DOK4: variants seen among roughly 807,000 people sequenced by gnomAD.
The protein encoded by DOK4 is downstream of tyrosine kinase 4.
Under a neutral mutation model 40.1 loss-of-function variants are expected in DOK4, and 26 were observed. That is an observed-to-expected ratio of 0.65 (90% CI 0.48 to 0.90). The LOEUF is 0.90. Ranked by LOEUF, DOK4 falls within the 40% of genes least tolerant of loss-of-function variation. The probability of loss-of-function intolerance (pLI) is 0.00; values close to 1 mark genes in which losing one functional copy is unlikely to be tolerated. For missense variants in DOK4, 392 were observed against 437.2 expected (o/e 0.90, Z 0.92); for synonymous variants, 179 against 177.0 (o/e 1.01, Z -0.09).
At chr16:57,483,692 G>C (rs910522296) in intron 1 of DOK4, among the ~76,000 whole-genome samples, 3 of 152,112 alleles carry the variant, frequency 2.0e-5, no homozygotes, top group Non-Finnish European at 1.5e-5. Flanking sequence ...GGCTAGGCAG[G>C]CCAGGAATTG....
chr16:57,482,358 C>A (rs1598056901), intron 1 of DOK4, among the ~76,000 whole-genome samples: 1 of 111,794 alleles, frequency 8.9e-6, no homozygotes, highest in Non-Finnish European at 1.8e-5. Flanking sequence ...AGAGATGGGG[C>A]TTTTGTTTTT....
At chr16:57,475,571 G>A in exon 4 of DOK4, 2 of 1,609,862 alleles carry the variant, frequency 1.2e-6, no homozygotes, top group Non-Finnish European at 8.5e-7. Context: ...CTGCCGCTTG[G>A]TCTCCTTGGG....
chr16:57,479,362 C>T lies in DOK4; in HGVS notation c.66+80G>A, dbSNP rs752752203. ...CCGGAGGGCAGCCGCGTGCCCCACGCGCCATGCCTCCAAGCCTGGGACCGA... is the reference window on the plus strand; with the variant it reads ...CCGGAGGGCAGCCGCGTGCCCCACGTGCCATGCCTCCAAGCCTGGGACCGA... On this transcript the variant is annotated intron_variant, in intron 2 of 8. Transcript: ENST00000340099. This position sits in a 1 kb window ranked among gnomAD's most constrained non-coding sequence, Gnocchi z 5.8. 5.5e-4 allele frequency: 828 copies of T among 1,517,712 alleles called. 1 individual carries two copies. Among genetic ancestry groups the T allele is most frequent in the Non-Finnish European group, 7.0e-4 (780 of 1,107,220 alleles). The allele number at this position is 1,517,712 out of a possible 1,614,324, so 94.0% of individuals were successfully genotyped here.
chr16:57,482,728 C>G (rs1475190365), intron 1 of DOK4, among the ~76,000 whole-genome samples: 1 of 152,112 alleles, frequency 6.6e-6, no homozygotes, highest in Non-Finnish European at 1.5e-5. Context: ...GTCAAGTGAT[C>G]CACAAGGCTC....
intron 8 of DOK4, 29 bp downstream of exon 8, chr16:57,473,584 G>T (rs749322670): frequency 6.2e-7 from 1 of 1,614,238 alleles, no homozygotes; most frequent in Non-Finnish European, 8.5e-7. Flanking sequence ...CCTCCTGGCA[G>T]GTGGGTGTGG....
exon 9 of DOK4, chr16:57,472,587 GC>G (rs1479298973): frequency 1.3e-5 from 2 of 152,696 alleles, no homozygotes; most frequent in Non-Finnish European, 2.9e-5. Context: ...CAGTCCTGCT[GC>G]GGCCTTCCCT....
Position 57,475,691 on chromosome 16 carries a change from TCTCTCC to T in DOK4, c.175-77_175-72del, listed in dbSNP as rs1215485348. The T allele has an allele frequency of 2.4e-5, 20 of 830,642 alleles. No individual in the cohort carries two copies. In the African/African-American group the frequency reaches 2.9e-4, roughly 12 times the overall value. 51.5% of individuals were successfully genotyped at this position (830,642 alleles called of 1,614,324 possible). On this transcript the variant is annotated intron_variant, in intron 3 of 8. Transcript: ENST00000340099. Reference sequence around the variant, plus strand: ...CTCTCTCTCTCTCTCTCTCTCTCTCTCTCTCCCTCCCTCCCTCTCTCCCCCCTCCTC... The same window carrying T: ...CTCTCTCTCTCTCTCTCTCTCTCTCTCTCCCTCCCTCTCTCCCCCCTCCTC...
chr16:57,473,303 C>G (rs951070144), exon 9 of DOK4: 68 of 1,526,692 alleles, frequency 4.5e-5, no homozygotes, highest in Admixed American at 8.0e-5. Context: ...CCCCCTGAGG[C>G]TGTCCACGGT....
At chr16:57,477,833 C>T (rs1365187900) in intron 2 of DOK4, among the ~76,000 whole-genome samples, 1 of 152,194 alleles carries the variant, frequency 6.6e-6, no homozygotes, top group Non-Finnish European at 1.5e-5. Context: ...CCTCTCACAC[C>T]AGGGGAAGTG....
exon 4 of DOK4, chr16:57,475,532 G>A (rs748944748): frequency 8.1e-6 from 13 of 1,608,800 alleles, no homozygotes; most frequent in Admixed American, 5.0e-5. Flanking sequence ...GGTACGTGCC[G>A]AGTCATCAGT....
At chr16:57,486,864 CT>C (rs1159473192), upstream of DOK4, among the ~76,000 whole-genome samples, 1 of 152,168 alleles carries the variant, frequency 6.6e-6, no homozygotes, top group Non-Finnish European at 1.5e-5. Context: ...CATTGCTCCC[CT>C]AACCCCATCA....
chr16:57,473,358 G>A (rs1288809070), exon 9 of DOK4: 1 of 1,606,720 alleles, frequency 6.2e-7, no homozygotes, highest in Admixed American at 1.7e-5. Context: ...GCAGTCATCG[G>A]TGCTCGCCAG....
upstream of DOK4, chr16:57,486,519 T>C (rs2031547720): frequency 6.6e-6 from 1 of 151,330 alleles, no homozygotes; most frequent in Non-Finnish European, 1.5e-5. Flanking sequence ...CCGCCAGGTC[T>C]CGCCGCTGCG....
In DOK4 at chr16:57,480,645, G is replaced by C. The variant is rs1269973602; in HGVS notation, c.-181-957C>G. ...ATAGGAGTACCAGTCAGGGCCCTGG[G>C]GCAACAAGACATGCAGGAGACAATG... is the stretch of plus-strand genomic sequence containing the variant. On this transcript the variant is annotated intron_variant, in intron 1 of 8. Transcript: ENST00000340099. Among the ~76,000 whole-genome samples, 3 of 152,160 alleles carry C rather than the reference G, an allele frequency of 2.0e-5. No individual in the cohort carries two copies. In the East Asian group the frequency reaches 5.8e-4, roughly 29 times the overall value.
chr16:57,476,209 G>A, intron 2 of DOK4: 3 of 521,304 alleles, frequency 5.8e-6, no homozygotes, highest in Non-Finnish European at 1.1e-5. Context: ...GTGCTCTCCT[G>A]ACCTGCCATG....
chr16:57,474,186 G>C (rs2031036411), intron 6 of DOK4, 147 bp from the exon 7 acceptor site: 2 of 993,990 alleles, frequency 2.0e-6, no homozygotes, highest in Non-Finnish European at 3.0e-6. Flanking sequence ...CGACCACACG[G>C]TGCAAATGTG....
At chr16:57,475,603 G>T in exon 4 of DOK4, 1 of 1,603,222 alleles carries the variant, frequency 6.2e-7, no homozygotes, top group Middle Eastern at 2.1e-4. Flanking sequence ...CACACTTGAC[G>T]TTGCTGATCT....
At chr16:57,476,588 AC>A (rs2031191730) in intron 2 of DOK4, among the ~76,000 whole-genome samples, 1 of 151,852 alleles carries the variant, frequency 6.6e-6, no homozygotes, top group African/African-American at 2.4e-5. Context: ...TACAAAGGTA[AC>A]CCCCACTCTT....
chr16:57,482,106 C>T (rs989981929), intron 1 of DOK4, among the ~76,000 whole-genome samples: 2 of 151,916 alleles, frequency 1.3e-5, no homozygotes, highest in African/African-American at 2.4e-5. Flanking sequence ...CCTCATGATC[C>T]GCCCGCCTCG....
Sources: gnomAD v4.1 joint callset for allele counts (sites outside exome capture counted in the v4.1 genomes callset) on GRCh38, gnomAD v4.1.1 for gene constraint, Gnocchi (gnomAD v3.1) non-coding constraint, MANE v1.5 for transcripts, NCBI Gene and HGNC (gene_info 2026-07-23, HGNC 2026-07-21) for gene names.